AATF: variants seen among roughly 807,000 people sequenced by gnomAD.
AATF encodes the protein protein AATF.
Under a neutral mutation model 63.7 loss-of-function variants are expected in AATF, and 48 were observed. The ratio of observed to expected loss-of-function variants is 0.75; its 90% CI spans 0.60 to 0.96. The LOEUF is 0.96. Among genes scored for constraint, AATF ranks in the 40% least tolerant of loss-of-function variants. The pLI, the probability that AATF is intolerant of heterozygous loss-of-function variation, is 0.00. For missense variants in AATF, 639 were observed against 685.7 expected (o/e 0.93, Z 0.76); for synonymous variants, 258 against 247.7 (o/e 1.04, Z -0.39).
intron 8 of AATF, among the ~76,000 whole-genome samples, chr17:37,007,792 A>T (rs2071353744): frequency 6.6e-6 from 1 of 152,156 alleles, no homozygotes; most frequent in Non-Finnish European, 1.5e-5. Flanking sequence ...AGATACTCTG[A>T]GGTTGGAAGG....
At chr17:37,008,017 T>A (rs1459337294) in intron 8 of AATF, among the ~76,000 whole-genome samples, 1 of 152,248 alleles carries the variant, frequency 6.6e-6, no homozygotes, top group Non-Finnish European at 1.5e-5. Flanking sequence ...CTATACTTGT[T>A]ACATTTTTAT....
At chr17:36,999,055 A>G (rs1687089538) in intron 8 of AATF, 1 of 152,216 alleles carries the variant, frequency 6.6e-6, no homozygotes, top group Admixed American at 6.5e-5. Context: ...CTTACGAGGC[A>G]CTATTTGACA....
chr17:37,051,409 A>G (rs1271720080), intron 11 of AATF, among the ~76,000 whole-genome samples: 1 of 152,086 alleles, frequency 6.6e-6, no homozygotes, highest in Non-Finnish European at 1.5e-5. Context: ...CAGGTTTAAT[A>G]TGCTCCTTTG....
intron 10 of AATF, 91 bp downstream of exon 10, chr17:37,021,105 C>T: frequency 2.2e-6 from 2 of 906,402 alleles, no homozygotes; most frequent in Non-Finnish European, 3.2e-6. Context: ...TCTTTTTCTT[C>T]TGATGATTCT....
intron 8 of AATF, among the ~76,000 whole-genome samples, chr17:37,018,324 C>T (rs1373362950): frequency 6.6e-6 from 1 of 152,202 alleles, no homozygotes; most frequent in East Asian, 1.9e-4. Context: ...GAATAACTCC[C>T]ATGGAGTTAA....
chr17:37,034,350 T>C (rs1011488769), intron 11 of AATF, among the ~76,000 whole-genome samples: 3 of 152,316 alleles, frequency 2.0e-5, no homozygotes, highest in African/African-American at 7.2e-5. Context: ...GAAGTAGTAA[T>C]AGCTTATCCT....
At chr17:36,949,345 C>A in intron 1 of AATF, 129 bp downstream of exon 1, 1 of 873,436 alleles carries the variant, frequency 1.1e-6, no homozygotes, top group Non-Finnish European at 1.7e-6. Context: ...AGAGGAACGT[C>A]GCCTCCCGCG....
intron 8 of AATF, among the ~76,000 whole-genome samples, chr17:37,011,254 A>G (rs914286113): frequency 1.3e-5 from 2 of 152,204 alleles, no homozygotes; most frequent in African/African-American, 4.8e-5. Flanking sequence ...GCACGCCTGT[A>G]ATCCCAGCTA....
intron 10 of AATF, among the ~76,000 whole-genome samples, chr17:37,027,437 T>C (rs2071519275): frequency 1.3e-5 from 2 of 152,174 alleles, no homozygotes; most frequent in Non-Finnish European, 1.5e-5. Flanking sequence ...AAATGGTCTT[T>C]AATCTGATTT....
intron 4 of AATF, among the ~76,000 whole-genome samples, chr17:36,979,415 T>C (rs2071103772): frequency 6.6e-6 from 1 of 152,192 alleles, no homozygotes; most frequent in South Asian, 2.1e-4. Context: ...TTGCTGGGGA[T>C]GACTAGTGCA....
intron 4 of AATF, among the ~76,000 whole-genome samples, chr17:36,955,505 G>C (rs2070892412): frequency 6.6e-6 from 1 of 152,140 alleles, no homozygotes; most frequent in South Asian, 2.1e-4. Flanking sequence ...TGGTTTTCAA[G>C]TTTTTTGAGA....
At position 36,949,079 on chromosome 17, in the gene AATF, C is replaced by T. The variant is rs773928652; in HGVS notation, c.-47C>T. 3.4e-6 allele frequency: 5 copies of T among 1,474,148 alleles called. No homozygotes were observed. In the Admixed American group the frequency reaches 7.9e-5, roughly 23 times the overall value. The allele number at this position is 1,474,148 out of a possible 1,614,324, so 91.3% of individuals were successfully genotyped here. A position where few individuals can be genotyped will look rare whatever the true frequency, so the allele number is the denominator to read the frequency against. On this transcript the variant is annotated 5_prime_UTR_variant, in exon 1 of 12. Coordinates refer to ENST00000619387, the MANE Select transcript of AATF (RefSeq NM_012138.4). ...AGGAGCTTCGGGGCCGGGGGTTGGG[C>T]CGCACATTTACGTGCGCGAAGCGGA...
chr17:36,966,482 G>A (rs1391000758), intron 4 of AATF, among the ~76,000 whole-genome samples: 1 of 151,012 alleles, frequency 6.6e-6, no homozygotes, highest in African/African-American at 2.4e-5. Flanking sequence ...TGCCCAAGCT[G>A]GTCTTGAGCT....
At chr17:37,032,354 A>G (rs1382389536) in intron 11 of AATF, among the ~76,000 whole-genome samples, 1 of 152,140 alleles carries the variant, frequency 6.6e-6, no homozygotes, top group Non-Finnish European at 1.5e-5. Flanking sequence ...ATTGTCCCAG[A>G]TAGTGGAAGT....
chr17:37,009,661 C>A (rs2071370984), intron 8 of AATF, among the ~76,000 whole-genome samples: 1 of 147,372 alleles, frequency 6.8e-6, no homozygotes, highest in African/African-American at 2.5e-5. Context: ...ACTAAAAATA[C>A]AAAAAATTAG....
intron 4 of AATF, among the ~76,000 whole-genome samples, chr17:36,955,991 T>C (rs747328927): frequency 6.6e-6 from 1 of 152,220 alleles, no homozygotes; most frequent in Non-Finnish European, 1.5e-5. Flanking sequence ...TCAAAACTCC[T>C]GGTTTCAAAT....
At chr17:36,957,230 C>G (rs2070909219) in intron 4 of AATF, among the ~76,000 whole-genome samples, 1 of 151,990 alleles carries the variant, frequency 6.6e-6, no homozygotes, top group South Asian at 2.1e-4. Context: ...GGGCAAGTTA[C>G]TTAACTTCAC....
chr17:37,035,578 G>C (rs1483717602), intron 11 of AATF, among the ~76,000 whole-genome samples: 3 of 131,578 alleles, frequency 2.3e-5, no homozygotes, highest in African/African-American at 8.5e-5. Flanking sequence ...TTGCTCTGTT[G>C]CCCAGGCAAG....
At chr17:37,004,397 C>T (rs1389047581) in intron 8 of AATF, among the ~76,000 whole-genome samples, 1 of 151,934 alleles carries the variant, frequency 6.6e-6, no homozygotes, top group Non-Finnish European at 1.5e-5. Context: ...AGGAGGTTTG[C>T]TGTAATGGGA....
Sources: allele counts gnomAD v4.1 joint callset (sites outside exome capture counted in the v4.1 genomes callset), GRCh38; gene constraint gnomAD v4.1.1; transcripts MANE v1.5; gene names NCBI Gene and HGNC (gene_info 2026-07-23, HGNC 2026-07-21).